The following KTN1 variants were observed in gnomAD, a reference collection of about 807,000 sequenced individuals.
The protein encoded by KTN1 is kinectin.
KTN1 carries 130 observed loss-of-function variants against 222.5 expected under a neutral mutation model. The observed-to-expected ratio is 0.58, with a 90% CI of 0.51 to 0.68. The LOEUF is 0.68. KTN1 is among the 30% of genes least tolerant of loss of function. The pLI is 0.00. For synonymous variants in KTN1, 512 were observed against 496.3 expected (o/e 1.03, Z -0.42); for missense variants, 1,508 against 1,500.4 (o/e 1.01, Z -0.08).
chr14:55,640,893 C>T (rs1017627237), intron 15 of KTN1, 40 bp from the exon 16 acceptor site: 2 of 1,578,712 alleles, frequency 1.3e-6, no homozygotes, highest in Admixed American at 1.7e-5. Context: ...TTGAGCACTT[C>T]CTGTGAAGTG....
intron 1 of KTN1, among the ~76,000 whole-genome samples, chr14:55,604,086 T>G (rs1366483719): frequency 1.3e-5 from 2 of 152,214 alleles, no homozygotes; most frequent in African/African-American, 4.8e-5. Flanking sequence ...TTTTCCCATA[T>G]TACTGAGAGT....
At chr14:55,608,202 C>G (rs916286658) in intron 1 of KTN1, among the ~76,000 whole-genome samples, 15 of 152,164 alleles carry the variant, frequency 9.9e-5, no homozygotes, top group Admixed American at 8.5e-4. Context: ...CTGTTTCATT[C>G]TCAGTTCCTT....
At chr14:55,629,539 C>G (rs1328399138) in intron 6 of KTN1, among the ~76,000 whole-genome samples, 1 of 150,204 alleles carries the variant, frequency 6.7e-6, no homozygotes, top group Non-Finnish European at 1.5e-5. Flanking sequence ...CTATTTTTTT[C>G]CCTTAGGAAA....
chr14:55,591,692 G>A (rs547286739), intron 1 of KTN1, among the ~76,000 whole-genome samples: 4 of 148,020 alleles, frequency 2.7e-5, no homozygotes, highest in East Asian at 2.1e-4. Context: ...AGGTTCAAGC[G>A]ATTCTCCTGC....
intron 16 of KTN1, 33 bp from the exon 17 acceptor site, chr14:55,641,094 G>A: frequency 6.6e-7 from 1 of 1,505,442 alleles, no homozygotes; most frequent in South Asian, 1.2e-5. Context: ...CTGAATGTAT[G>A]AAGTATTTTA....
chr14:55,612,513 C>T lies in KTN1; in HGVS notation c.465C>T (p.Pro155=), dbSNP rs777162638. The change falls in exon 2 of 44, where the codon CCC becomes CCT. Residue 155 remains proline (P), a synonymous_variant. Transcript: ENST00000395314. ...PVPVTKQPTP[P]SEAAASKKKP... ...CAGTTACTAAACAGCCCACCCCTCC[C>T]TCTGAAGCAGCTGCCTCGAAGAAGA... is the stretch of plus-strand genomic sequence containing the variant. 1 of 1,608,166 alleles carries T rather than the reference C, an allele frequency of 6.2e-7. No homozygotes were observed. The highest frequency in any genetic ancestry group is 1.1e-5 in the South Asian group (1 of 89,336).
At chr14:55,597,264 A>C (rs995069746) in intron 1 of KTN1, among the ~76,000 whole-genome samples, 3 of 152,218 alleles carry the variant, frequency 2.0e-5, no homozygotes, top group Non-Finnish European at 4.4e-5. Flanking sequence ...TTGTGTAATA[A>C]GTGAGTAAAA....
intron 1 of KTN1, among the ~76,000 whole-genome samples, chr14:55,593,535 T>C (rs749104123): frequency 1.3e-5 from 2 of 148,266 alleles, no homozygotes; most frequent in Non-Finnish European, 3.0e-5. Context: ...AGCTGCTTGG[T>C]TTTTTTTCCC....
chr14:55,659,464 A>G (rs559266320), intron 30 of KTN1, among the ~76,000 whole-genome samples: 29 of 152,256 alleles, frequency 1.9e-4, no homozygotes, highest in Non-Finnish European at 4.0e-4. Context: ...GACAGTAGAG[A>G]TTGGATTTAG....
intron 31 of KTN1, chr14:55,661,262 T>A (rs2044111596): frequency 3.5e-6 from 1 of 282,738 alleles, no homozygotes; most frequent in Non-Finnish European, 6.5e-6. Context: ...CTTCATAATA[T>A]GTTTCTTAGG....
At chr14:55,597,618 C>T (rs2035268865) in intron 1 of KTN1, among the ~76,000 whole-genome samples, 1 of 152,122 alleles carries the variant, frequency 6.6e-6, no homozygotes, top group Non-Finnish European at 1.5e-5. Context: ...CTTTGGGAGG[C>T]CGAGGCGGGC....
chr14:55,649,851 T>G, intron 22 of KTN1, 38 bp downstream of exon 22: 8 of 1,242,648 alleles, frequency 6.4e-6, no homozygotes, highest in South Asian at 1.3e-5. Context: ...TTTTTCTTCT[T>G]TGGTCCATTT....
At chr14:55,684,023 T>G (rs2046584144) in intron 43 of KTN1, 76 bp from the exon 44 acceptor site, 1 of 1,280,534 alleles carries the variant, frequency 7.8e-7, no homozygotes. Flanking sequence ...GTACTTTTGG[T>G]GTTTGACAAA....
intron 5 of KTN1, among the ~76,000 whole-genome samples, chr14:55,627,455 A>T (rs1443998823): frequency 6.6e-6 from 1 of 150,932 alleles, no homozygotes; most frequent in Non-Finnish European, 1.5e-5. Context: ...TTTTTATTTT[A>T]TTTATTTATT....
chr14:55,672,130 C>G (rs1332677602), intron 37 of KTN1: 5 of 378,770 alleles, frequency 1.3e-5, no homozygotes, highest in African/African-American at 2.1e-5. Context: ...AGTTACAGAA[C>G]TATTGTGTGA....
intron 31 of KTN1, 200 bp from the exon 32 acceptor site, chr14:55,661,322 A>G (rs2044116484): frequency 4.4e-6 from 2 of 458,476 alleles, no homozygotes; most frequent in Non-Finnish European, 7.7e-6. Context: ...ATTAGGCATA[A>G]AAACTTATAT....
intron 2 of KTN1, among the ~76,000 whole-genome samples, chr14:55,615,126 G>C (rs1169669412): frequency 2.0e-5 from 3 of 152,154 alleles, no homozygotes; most frequent in Admixed American, 6.5e-5. Flanking sequence ...TATTTCAAGT[G>C]TAAGAAGAGA....
chr14:55,641,316 T>G (rs2041780032), intron 17 of KTN1, 108 bp downstream of exon 17: 4 of 645,462 alleles, frequency 6.2e-6, no homozygotes, highest in Non-Finnish European at 1.1e-5. Flanking sequence ...TCTGAAACAG[T>G]GTTTCTGTAG....
At chr14:55,677,440 G>A (rs961611965) in intron 41 of KTN1, among the ~76,000 whole-genome samples, 17 of 144,798 alleles carry the variant, frequency 1.2e-4, no homozygotes, top group Non-Finnish European at 2.5e-4. Context: ...TTACGCTACT[G>A]CACTCTAGCC....
Sources: gnomAD v4.1 joint callset for allele counts (sites outside exome capture counted in the v4.1 genomes callset) on GRCh38, gnomAD v4.1.1 for gene constraint, MANE v1.5 for transcripts, NCBI Gene and HGNC (gene_info 2026-07-23, HGNC 2026-07-21) for gene names.